The following DGKB variants were observed in gnomAD, a reference collection of about 807,000 sequenced individuals.
DGKB encodes the protein 90 kDa diacylglycerol kinase.
A neutral mutation model predicts 114.3 loss-of-function variants in DGKB; 67 were observed. The observed-to-expected ratio is 0.59, with a 90% CI of 0.48 to 0.72. DGKB has a LOEUF of 0.72. Ranked by LOEUF, DGKB falls within the 30% of genes least tolerant of loss-of-function variation. The probability of loss-of-function intolerance (pLI) is 0.00; values close to 1 mark genes in which losing one functional copy is unlikely to be tolerated. For missense variants in DGKB, 907 were observed against 975.2 expected, an observed-to-expected ratio of 0.93 and a Z score of 0.93; for synonymous variants, 398 against 323.1, an observed-to-expected ratio of 1.23 and a Z score of -2.49.
At position 14,729,364 on chromosome 7, in the gene DGKB, C is replaced by T. The variant is rs566689129; in HGVS notation, c.322+6677G>A. Among the ~76,000 whole-genome samples the T allele has an allele frequency of 7.2e-5, 11 of 152,118 alleles. No individual in the cohort carries two copies. In the East Asian group the frequency reaches 1.6e-3, roughly 22 times the overall value. Reference sequence around the variant, plus strand: ...GTCTCGATCTCCTGACCTTGTGATTCGCCCACCTTGGCCTCCCAAAGTGCT... The same window carrying T: ...GTCTCGATCTCCTGACCTTGTGATTTGCCCACCTTGGCCTCCCAAAGTGCT... On this transcript the variant is annotated intron_variant, in intron 5 of 25. Coordinates refer to ENST00000402815, the MANE Select transcript of DGKB (RefSeq NM_001350709.2).
At chr7:14,617,590 C>G (rs913875125) in intron 15 of DGKB, among the ~76,000 whole-genome samples, 6 of 151,554 alleles carry the variant, frequency 4.0e-5, no homozygotes, top group African/African-American at 1.2e-4. Context: ...CATGTCACTC[C>G]TCTGCTTATC....
chr7:14,886,991 T>C (rs1388977697), intron 1 of DGKB, among the ~76,000 whole-genome samples: 1 of 151,966 alleles, frequency 6.6e-6, no homozygotes, highest in African/African-American at 2.4e-5. Flanking sequence ...ATCTCGTTAA[T>C]ACGGACTCAT....
intron 23 of DGKB, among the ~76,000 whole-genome samples, chr7:14,246,450 C>T (rs1214406798): frequency 1.3e-5 from 2 of 152,168 alleles, no homozygotes; most frequent in Non-Finnish European, 2.9e-5. Context: ...ACATTCTTAA[C>T]CCCTGTGGCA....
intron 21 of DGKB, among the ~76,000 whole-genome samples, chr7:14,459,147 C>G (rs1832724083): frequency 6.6e-6 from 1 of 152,162 alleles, no homozygotes. Flanking sequence ...CAGACTGCCT[C>G]TCTCAATTCC....
intron 23 of DGKB, among the ~76,000 whole-genome samples, chr7:14,207,847 T>C (rs930830743): frequency 2.0e-5 from 3 of 151,824 alleles, no homozygotes; most frequent in East Asian, 3.9e-4. Flanking sequence ...TGGATTCCAA[T>C]ACTCTATCTT....
chr7:14,351,731 AAGTT>A (rs1772533131), intron 21 of DGKB, among the ~76,000 whole-genome samples: 1 of 152,182 alleles, frequency 6.6e-6, no homozygotes, highest in Admixed American at 6.5e-5. Flanking sequence ...AGTGTATAAA[AAGTT>A]AGGTATTTGC....
At chr7:14,751,921 C>G (rs1834178800) in intron 4 of DGKB, among the ~76,000 whole-genome samples, 1 of 152,072 alleles carries the variant, frequency 6.6e-6, no homozygotes, top group South Asian at 2.1e-4. Context: ...AAAGTATGAC[C>G]ACAGCCACTG....
chr7:14,940,226 C>T (rs66516313), intron 1 of DGKB, among the ~76,000 whole-genome samples: 8 of 151,950 alleles, frequency 5.3e-5, no homozygotes, highest in African/African-American at 1.2e-4. Flanking sequence ...TTGCCAAAGT[C>T]GCTGTGTTCT....
chr7:14,196,033 G>T (rs971237365), intron 23 of DGKB, among the ~76,000 whole-genome samples: 1 of 152,080 alleles, frequency 6.6e-6, no homozygotes, highest in African/African-American at 2.4e-5. Context: ...GTTTGTTGCC[G>T]AAAAATATAG....
chr7:14,237,520 T>A (rs1215227183), intron 23 of DGKB, among the ~76,000 whole-genome samples: 1 of 151,980 alleles, frequency 6.6e-6, no homozygotes, highest in Admixed American at 6.6e-5. Flanking sequence ...GAGAGCACAG[T>A]CTTGAGTAAG....
chr7:14,697,791 G>A (rs377592227), intron 8 of DGKB, among the ~76,000 whole-genome samples: 100 of 116,240 alleles, frequency 8.6e-4, no homozygotes, highest in African/African-American at 3.0e-3. Flanking sequence ...AGAAAGAAAG[G>A]AAGGAAGGAA....
At chr7:14,776,296 G>C (rs754128824) in intron 2 of DGKB, among the ~76,000 whole-genome samples, 2 of 152,180 alleles carry the variant, frequency 1.3e-5, no homozygotes, top group Non-Finnish European at 2.9e-5. Context: ...TTTTTGGGGA[G>C]AAATACAAGC....
intron 5 of DGKB, among the ~76,000 whole-genome samples, chr7:14,731,505 T>C (rs550146273): frequency 6.6e-6 from 1 of 152,316 alleles, no homozygotes; most frequent in South Asian, 2.1e-4. Flanking sequence ...AATTTTTACA[T>C]TGTTTTAAAA....
chr7:14,618,211 T>C (rs1465439077), intron 15 of DGKB, among the ~76,000 whole-genome samples: 3 of 151,564 alleles, frequency 2.0e-5, no homozygotes, highest in South Asian at 2.1e-4. Context: ...ATATATACTA[T>C]ACACTTACAT....
rs373271313 is a variant in DGKB at position 14,557,949 on chromosome 7, A to G, written c.1770+16263T>C. Among the ~76,000 whole-genome samples the G allele has an allele frequency of 9.9e-5, 15 of 151,476 alleles. No homozygotes were observed. The East Asian group carries it at 1.7e-3, about 18-fold the overall frequency. On this transcript the variant is annotated intron_variant, in intron 20 of 25. Transcript: ENST00000402815. ...TCATTTATCATTCTTAATGTTTACT[A>G]TTTTGTTCTTTTACTTGTTTGCTGT... is the stretch of plus-strand genomic sequence containing the variant.
At chr7:14,369,078 C>A (rs911981572) in intron 21 of DGKB, among the ~76,000 whole-genome samples, 1 of 152,034 alleles carries the variant, frequency 6.6e-6, no homozygotes, top group Non-Finnish European at 1.5e-5. Flanking sequence ...CCTAGCACCC[C>A]ACCCCCGACA....
chr7:14,850,500 A>C (rs1849211740), intron 1 of DGKB, among the ~76,000 whole-genome samples: 1 of 152,258 alleles, frequency 6.6e-6, no homozygotes, highest in East Asian at 1.9e-4. Context: ...TGAGGGCCAA[A>C]ATTAATCTTA....
intron 23 of DGKB, among the ~76,000 whole-genome samples, chr7:14,271,108 G>A (rs752172056): frequency 6.6e-6 from 1 of 152,058 alleles, no homozygotes; most frequent in Non-Finnish European, 1.5e-5. Context: ...AACAGAAATC[G>A]TTTACAGGGC....
intron 1 of DGKB, among the ~76,000 whole-genome samples, chr7:14,929,778 A>G (rs557070535): frequency 6.6e-6 from 1 of 152,154 alleles, no homozygotes; most frequent in South Asian, 2.1e-4. Context: ...TTGAGGTCTT[A>G]GTTATGAATT....
Sources: allele counts gnomAD v4.1 joint callset (sites outside exome capture counted in the v4.1 genomes callset), GRCh38; gene constraint gnomAD v4.1.1; transcripts MANE v1.5; gene names NCBI Gene and HGNC (gene_info 2026-07-23, HGNC 2026-07-21).